Variants in LRP2 observed in about 807,000 individuals in gnomAD.
LRP2 encodes the protein LDL receptor related protein 2, also known as low-density lipoprotein receptor-related protein 2.
A neutral mutation model predicts 531.0 loss-of-function variants in LRP2; 172 were observed. The ratio of observed to expected loss-of-function variants is 0.32; its 90% confidence interval spans 0.29 to 0.37. The LOEUF (loss-of-function observed/expected upper bound fraction) is 0.37, where lower values mean the gene tolerates loss of function less well. Ranked by LOEUF, LRP2 falls within the 10% of genes least tolerant of loss-of-function variation. The probability of loss-of-function intolerance (pLI) is 1.00; values close to 1 mark genes in which losing one functional copy is unlikely to be tolerated. For synonymous variants in LRP2, 1,992 were observed against 2,027.6 expected, an observed-to-expected ratio of 0.98 and a Z score of 0.47; for missense variants, 5,167 against 5,868.3, an observed-to-expected ratio of 0.88 and a Z score of 3.90.
chr2:169,321,025 C>A, intron 1 of LRP2, 141 bp from the exon 2 acceptor site: 1 of 679,580 alleles, frequency 1.5e-6, no homozygotes, highest in Non-Finnish European at 2.6e-6. Context: ...GGTAAACATT[C>A]TCCCAATGAT....
In LRP2 at chr2:169,207,023, T is replaced by C. The variant is rs755026935; in HGVS notation, c.6697A>G (p.Ile2233Val). Reference protein sequence around the residue: ...TNRTVLVSEGIVTPRGLAVDR... With the variant: ...TNRTVLVSEGVVTPRGLAVDR... ...ACTGCCAAGCCCCGTGGTGTGACAATGCCCTCTGACACAAGCACTGTTCGA... is the reference window on the plus strand; with the variant it reads ...ACTGCCAAGCCCCGTGGTGTGACAACGCCCTCTGACACAAGCACTGTTCGA... The change falls in exon 39 of 79, where the codon ATT becomes GTT. Residue 2233 changes from isoleucine (I) to valine (V), a missense_variant. Coordinates refer to ENST00000649046, the MANE Select transcript of LRP2 (RefSeq NM_004525.3). 6.2e-7 allele frequency: 1 copy of C among 1,614,168 alleles called. No individual in the cohort carries two copies. Among genetic ancestry groups the C allele is most frequent in the South Asian group, 1.1e-5 (1 of 91,082 alleles).
intron 1 of LRP2, among the ~76,000 whole-genome samples, chr2:169,357,964 T>C (rs946686975): frequency 6.6e-6 from 1 of 152,084 alleles, no homozygotes; most frequent in Non-Finnish European, 1.5e-5. Context: ...GAAAAATGGA[T>C]CTGGAGGTAT....
At chr2:169,220,639 T>A in intron 33 of LRP2, 76 bp from the exon 34 acceptor site, 1 of 947,464 alleles carries the variant, frequency 1.1e-6, no homozygotes, top group East Asian at 2.6e-5. Flanking sequence ...GGAGAACTTA[T>A]GTACAAAACA....
chr2:169,345,679 G>A (rs1010956711), intron 1 of LRP2, among the ~76,000 whole-genome samples: 1 of 150,070 alleles, frequency 6.7e-6, no homozygotes, highest in Non-Finnish European at 1.5e-5. Flanking sequence ...CATAAAGGCC[G>A]ATTCTCTTTT....
Position 169,243,350 on chromosome 2 carries a change from C to G in LRP2, c.3550+53G>C. The G allele has an allele frequency of 6.2e-6, 10 of 1,608,390 alleles. No individual in the cohort carries two copies. In the South Asian group the frequency reaches 1.1e-4, roughly 18 times the overall value. On this transcript the variant is annotated intron_variant, in intron 23 of 78. Transcript: ENST00000649046. ...CCCTCCCTGTGTCCATGTGTTAACA[C>G]TGAGATTTTTCTAAATAAACATTGT...
intron 3 of LRP2, among the ~76,000 whole-genome samples, chr2:169,309,459 A>G (rs1574243606): frequency 6.6e-6 from 1 of 152,202 alleles, no homozygotes; most frequent in Admixed American, 6.5e-5. Flanking sequence ...CAGTTTTCCC[A>G]ACACCATGTA....
intron 1 of LRP2, among the ~76,000 whole-genome samples, chr2:169,328,053 C>T (rs1397675291): frequency 7.3e-6 from 1 of 137,112 alleles, no homozygotes; most frequent in Non-Finnish European, 1.6e-5. Context: ...CCGCCCCGTC[C>T]GGGAGGGAGG....
rs535538573 is a variant in LRP2 at position 169,282,530 on chromosome 2, G to C, written c.1171+343C>G. On this transcript the variant is annotated intron_variant, in intron 10 of 78. Coordinates refer to ENST00000649046, the MANE Select transcript of LRP2 (RefSeq NM_004525.3). ...ATAGTTGTCGCCTACTTTTGTGGTAGGTAATTAATTAAAAGTTAAATGTCC... is the reference window on the plus strand; with the variant it reads ...ATAGTTGTCGCCTACTTTTGTGGTACGTAATTAATTAAAAGTTAAATGTCC... Among the ~76,000 whole-genome samples the C allele has an allele frequency of 3.3e-5, 5 of 152,264 alleles. No homozygotes were observed. The South Asian group carries it at 1.0e-3, about 32-fold the overall frequency.
At chr2:169,281,704 C>T (rs1048161936) in intron 10 of LRP2, among the ~76,000 whole-genome samples, 6 of 151,126 alleles carry the variant, frequency 4.0e-5, no homozygotes, top group African/African-American at 1.2e-4. Flanking sequence ...GGCAACAGAG[C>T]GAGACTCATT....
At chr2:169,176,119 T>C (rs914151134) in intron 54 of LRP2, among the ~76,000 whole-genome samples, 4 of 152,262 alleles carry the variant, frequency 2.6e-5, no homozygotes, top group African/African-American at 9.6e-5. Flanking sequence ...TATGTACTTA[T>C]ATACACTCTG....
At chr2:169,312,996 G>A (rs957690660) in intron 3 of LRP2, among the ~76,000 whole-genome samples, 6 of 152,072 alleles carry the variant, frequency 3.9e-5, no homozygotes, top group South Asian at 2.1e-4. Context: ...TGATCGAAAC[G>A]GCTATTGACG....
At chr2:169,187,018 T>C (rs1470448869) in intron 49 of LRP2, among the ~76,000 whole-genome samples, 3 of 152,138 alleles carry the variant, frequency 2.0e-5, no homozygotes, top group Non-Finnish European at 4.4e-5. Flanking sequence ...TTTATAGAAG[T>C]TTTTCTTACA....
rs764689804 is a variant in LRP2 at position 169,170,584 on chromosome 2, C to T, written c.11347G>A (p.Asp3783Asn). The change falls in exon 59 of 79, where the codon GAC (aspartate) becomes AAC (asparagine). Residue 3783 changes from aspartate (D) to asparagine (N), a missense_variant. Asp to Asn is a conservative substitution (Grantham distance 23). Transcript: ENST00000649046. ...PSRWICDHYN[D>N]CGDNSDERDC... The stretch of plus-strand genomic sequence containing the variant: ...CGTTCATCTGAGTTGTCCCCACAGT[C>T]GTTGTAATGGTCACAGATCCATCGC... The T allele has an allele frequency of 3.7e-6, 6 of 1,614,102 alleles. No individual in the cohort carries two copies. Among genetic ancestry groups the T allele is most frequent in the Admixed American group, 1.7e-5 (1 of 60,014 alleles).
intron 48 of LRP2, among the ~76,000 whole-genome samples, chr2:169,190,053 T>G (rs1279244685): frequency 6.6e-6 from 1 of 152,204 alleles, no homozygotes; most frequent in Non-Finnish European, 1.5e-5. Context: ...ACCATTCTTG[T>G]GCCTAGAGTC....
At position 169,280,487 on chromosome 2, in the gene LRP2, G is replaced by A. The variant is rs780687414; in HGVS notation, c.1204C>T (p.Arg402Trp). ...GEASIIFSNGRDLLIGDIHGR... is the reference protein window; with the variant it reads ...GEASIIFSNGWDLLIGDIHGR... ...TGAATATCACCAATTAACAAATCCC[G>A]ACCATTGGAGAAGATAATGGAGGCC... Residue 402 changes from arginine (R) to tryptophan (W), a missense_variant, in exon 11 of 79, where the codon CGG becomes TGG. Arg to Trp is a moderately radical substitution (Grantham distance 101). Around this residue, in one of 6 missense-constraint regions of LRP2, gnomAD observed 2,811 missense variants for 3,058.0 expected, o/e 0.92. Transcript: ENST00000649046. 86 of 1,613,948 alleles carry A rather than the reference G, an allele frequency of 5.3e-5. No homozygotes were observed. The South Asian group carries it at 7.4e-4, about 14-fold the overall frequency.
At chr2:169,334,024 G>T (rs1214558812) in intron 1 of LRP2, among the ~76,000 whole-genome samples, 2 of 152,110 alleles carry the variant, frequency 1.3e-5, no homozygotes, top group African/African-American at 2.4e-5. Flanking sequence ...TGGTGTTCAG[G>T]TTTCTGCACA....
At chr2:169,243,576 C>T in intron 22 of LRP2, 54 bp from the exon 23 acceptor site, 1 of 1,610,904 alleles carries the variant, frequency 6.2e-7, no homozygotes, top group Non-Finnish European at 8.5e-7. Flanking sequence ...CAACAAGTAC[C>T]AGAGCCAAAC....
At chr2:169,143,406 G>C (rs545247572) in intron 70 of LRP2, among the ~76,000 whole-genome samples, 2 of 152,166 alleles carry the variant, frequency 1.3e-5, no homozygotes, top group Non-Finnish European at 2.9e-5. Context: ...ACTTTGGGAG[G>C]CCGCTTTGGG....
intron 1 of LRP2, among the ~76,000 whole-genome samples, chr2:169,323,464 A>C (rs1684957910): frequency 6.6e-6 from 1 of 152,186 alleles, no homozygotes; most frequent in Non-Finnish European, 1.5e-5. Flanking sequence ...CCACTAGTGA[A>C]AAGGTCTAGA....
Sources: gnomAD v4.1 joint callset for allele counts (sites outside exome capture counted in the v4.1 genomes callset) on GRCh38, gnomAD v4.1.1 for gene constraint, gnomAD v4.1.1 regional missense constraint, MANE v1.5 for transcripts, NCBI Gene and HGNC (gene_info 2026-07-23, HGNC 2026-07-21) for gene names.